Variants in CIBAR2 observed in about 807,000 individuals in gnomAD.
The protein encoded by CIBAR2 is CBY1-interacting BAR domain-containing protein 2.
A neutral mutation model predicts 36.2 loss-of-function variants in CIBAR2; 38 were observed. The ratio of observed to expected loss-of-function variants is 1.05; its 90% CI spans 0.81 to 1.38. CIBAR2 has a LOEUF of 1.38. Ranked by LOEUF, CIBAR2 falls within the 40% of genes most tolerant of loss-of-function variation. The pLI is 0.00. For missense variants in CIBAR2, 481 were observed against 383.4 expected, an observed-to-expected ratio of 1.25 and a Z score of -2.13; for synonymous variants, 182 against 149.5, an observed-to-expected ratio of 1.22 and a Z score of -1.58.
chr16:85,108,132 G>T (rs377231832), intron 2 of CIBAR2, 33 bp from the exon 3 acceptor site: 132 of 1,577,600 alleles, frequency 8.4e-5, no homozygotes, highest in Non-Finnish European at 1.1e-4. Flanking sequence ...GGATCTGAGC[G>T]CAGGGTGCTG....
At chr16:85,110,720 T>TC (rs1555528523) in intron 1 of CIBAR2, among the ~76,000 whole-genome samples, 6 of 135,466 alleles carry the variant, frequency 4.4e-5, no homozygotes, top group South Asian at 2.3e-4. Context: ...TTTTTTTTTT[T>TC]TGGAGACAGA....
At chr16:85,108,468 T>C (rs868580285) in intron 2 of CIBAR2, among the ~76,000 whole-genome samples, 1 of 152,144 alleles carries the variant, frequency 6.6e-6, no homozygotes, top group Non-Finnish European at 1.5e-5. Context: ...GCTCAGTCTC[T>C]CTACACGACA....
At chr16:85,105,243 T>G (rs1567559641) in intron 6 of CIBAR2, 84 bp downstream of exon 6, 1 of 808,286 alleles carries the variant, frequency 1.2e-6, no homozygotes, top group East Asian at 2.5e-5. Flanking sequence ...TGCTGAAGCA[T>G]GCACACAGAC....
intron 2 of CIBAR2, among the ~76,000 whole-genome samples, chr16:85,109,106 C>G (rs985016217): frequency 2.6e-5 from 4 of 151,580 alleles, no homozygotes; most frequent in African/African-American, 9.7e-5. Context: ...TTTATTTTTC[C>G]TTTGGTTAAA....
rs75296121 is a variant in CIBAR2, at chr16:85,098,758, G to C, written c.*427C>G. 648 of 489,368 alleles carry C rather than the reference G, an allele frequency of 1.3e-3. 4 individuals are homozygous for C. Among genetic ancestry groups the C allele is most frequent in the African/African-American group, 0.013 (615 of 47,558 alleles). 30.3% of individuals were successfully genotyped at this position (489,368 alleles called of 1,614,324 possible). ...GCAACAAGTCTCAAGTGTTTGTTGCGCAACAGGCCGGGTTTTCTGTGCTTC... is the reference window on the plus strand; with the variant it reads ...GCAACAAGTCTCAAGTGTTTGTTGCCCAACAGGCCGGGTTTTCTGTGCTTC... On this transcript the variant is annotated 3_prime_UTR_variant, in exon 9 of 9. Coordinates refer to ENST00000539556, the MANE Select transcript of CIBAR2 (RefSeq NM_198491.3).
In CIBAR2 at chr16:85,105,322, C is replaced by T; in HGVS notation, c.537+5G>A. ...GCGCCTCCCATCCCGGCCAACCACC[C>T]TCACCTGCAGGTCCTTGAGCTTCTG... On this transcript the variant is annotated splice_donor_5th_base_variant and intron_variant, in intron 6 of 8. Transcript: ENST00000539556. 6.2e-7 allele frequency: 1 copy of T among 1,604,342 alleles called. No homozygotes were observed. Among genetic ancestry groups the T allele is most frequent in the African/African-American group, 1.3e-5 (1 of 74,906 alleles).
At position 85,107,926 on chromosome 16, in the gene CIBAR2, G is replaced by A. The variant is rs1410743105; in HGVS notation, c.346C>T (p.His116Tyr). Residue 116 changes from histidine (H) to tyrosine (Y), a missense_variant, in exon 4 of 9, where the codon CAT (histidine) becomes TAT (tyrosine). By Grantham distance (83) the His-to-Tyr change is moderately conservative. Transcript: ENST00000539556. The part of the protein sequence containing the change: ...QTRAEIKKFK[H>Y]VQNHEIKQLE... ...TGTTTGATCTCATGATTTTGGACAT[G>A]TTTGAATTTCTTGATCTCAGCCTGC... 2 of 1,614,020 alleles carry A rather than the reference G, an allele frequency of 1.2e-6. No individual in the cohort carries two copies. Among genetic ancestry groups the A allele is most frequent in the Non-Finnish European group, 1.7e-6 (2 of 1,179,952 alleles).
intron 2 of CIBAR2, among the ~76,000 whole-genome samples, chr16:85,108,969 C>T (rs931838183): frequency 1.3e-5 from 2 of 152,128 alleles, no homozygotes; most frequent in Non-Finnish European, 2.9e-5. Context: ...TCTGTGAACG[C>T]GTAGACATCA....
At chr16:85,108,234 TC>T in intron 2 of CIBAR2, 135 bp from the exon 3 acceptor site, 1 of 767,370 alleles carries the variant, frequency 1.3e-6, no homozygotes. Flanking sequence ...CGAGGTGCCC[TC>T]CCTTTTCCCG....
At chr16:85,110,896 G>C (rs1465094395) in intron 1 of CIBAR2, among the ~76,000 whole-genome samples, 4 of 152,018 alleles carry the variant, frequency 2.6e-5, no homozygotes, top group Non-Finnish European at 5.9e-5. Flanking sequence ...GTAGAGACAG[G>C]GTTTCACCAT....
At chr16:85,105,306 A>G in intron 6 of CIBAR2, 21 bp downstream of exon 6, 1 of 1,552,986 alleles carries the variant, frequency 6.4e-7, no homozygotes, top group Non-Finnish European at 8.9e-7. Flanking sequence ...GGCGCCTCCC[A>G]TCCCGGCCAA....
chr16:85,098,876 G>T lies in CIBAR2; in HGVS notation c.*309C>A, dbSNP rs1023054421. On this transcript the variant is annotated 3_prime_UTR_variant, in exon 9 of 9. Coordinates refer to ENST00000539556, the MANE Select transcript of CIBAR2 (RefSeq NM_198491.3). ...AGGCGAGGACTCTAAGGCACAGAGAGGCTAGGAGACTTTCCCAAGGTCACA... is the reference window on the plus strand; with the variant it reads ...AGGCGAGGACTCTAAGGCACAGAGATGCTAGGAGACTTTCCCAAGGTCACA... The T allele has an allele frequency of 7.9e-6, 2 of 253,606 alleles. No homozygotes were observed. Among genetic ancestry groups the T allele is most frequent in the Non-Finnish European group, 7.1e-6 (1 of 140,122 alleles). 15.7% of individuals were successfully genotyped at this position (253,606 alleles called of 1,614,324 possible).
At chr16:85,107,124 G>A (rs535877883) in intron 5 of CIBAR2, among the ~76,000 whole-genome samples, 108 of 151,734 alleles carry the variant, frequency 7.1e-4, no homozygotes, top group Non-Finnish European at 1.4e-3. Context: ...TCCAGCCTAG[G>A]CAACAGAGCG....
In CIBAR2 at chr16:85,098,927, A is replaced by G; in HGVS notation, c.*258T>C. On this transcript the variant is annotated 3_prime_UTR_variant, in exon 9 of 9. Transcript: ENST00000539556. Reference sequence around the variant, plus strand: ...CCGCCGGGAGCAGTGGGCTCGGACCAAGAAATAGATAGCATAAAGAAAAAC... The same window carrying G: ...CCGCCGGGAGCAGTGGGCTCGGACCGAGAAATAGATAGCATAAAGAAAAAC... 2.8e-6 allele frequency: 1 copy of G among 358,386 alleles called. No individual in the cohort carries two copies. Among genetic ancestry groups the G allele is most frequent in the South Asian group, 4.6e-5 (1 of 21,816 alleles). 22.2% of individuals were successfully genotyped at this position (358,386 alleles called of 1,614,324 possible). A position where few individuals can be genotyped will look rare whatever the true frequency, so the allele number is the denominator to read the frequency against.
Position 85,108,006 on chromosome 16 carries a change from C to G in CIBAR2, c.324+25G>C, listed in dbSNP as rs774571586. ...CCCACAGGGCAAGACAGGGATGCCA[C>G]CCACACCGAGGTGCCCCGGCTCACC... is the stretch of plus-strand genomic sequence containing the variant. On this transcript the variant is annotated intron_variant, in intron 3 of 8. Coordinates refer to ENST00000539556, the MANE Select transcript of CIBAR2 (RefSeq NM_198491.3). 1.9e-6 allele frequency: 3 copies of G among 1,613,778 alleles called. No homozygotes were observed. In the South Asian group the frequency reaches 3.3e-5, roughly 18 times the overall value.
At position 85,110,068 on chromosome 16, in the gene CIBAR2, A is replaced by G. The variant is rs138294038; in HGVS notation, c.255+158T>C. Among the ~76,000 whole-genome samples the G allele has an allele frequency of 3.0e-3, 462 of 152,156 alleles. 3 individuals carry two copies. The highest frequency in any genetic ancestry group is 0.01 in the African/African-American group (434 of 41,530). ...TCTCAATCCTGCAGGTGGAGGTGTG[A>G]CCCTGGAAAGGGTGTAAATGTCCAT... On this transcript the variant is annotated intron_variant, in intron 2 of 8. Transcript: ENST00000539556.
At chr16:85,101,836 A>G (rs2073958039) in intron 7 of CIBAR2, among the ~76,000 whole-genome samples, 1 of 151,840 alleles carries the variant, frequency 6.6e-6, no homozygotes, top group South Asian at 2.1e-4. Flanking sequence ...CGCCTGGCTA[A>G]TTTTGTATTT....
Position 85,100,174 on chromosome 16 carries a change from G to A in CIBAR2, c.718C>T (p.Pro240Ser). 2 of 1,611,564 alleles carry A rather than the reference G, an allele frequency of 1.2e-6. No individual in the cohort carries two copies. Among genetic ancestry groups the A allele is most frequent in the Middle Eastern group, 1.7e-4 (1 of 6,054 alleles). The change falls in exon 8 of 9, where the codon CCC becomes TCC. Residue 240 changes from proline (P) to serine (S), a missense_variant. Transcript: ENST00000539556. ...AGAGACTGAAGAACAGATGGAGGGG[G>A]GCTGGTGTTGGCAAGCAGCCGAGTG... ...YDTRLLANTS[P>S]PPSVLQSLAS...
chr16:85,103,630 C>G (rs1597666445), intron 6 of CIBAR2, among the ~76,000 whole-genome samples: 1 of 152,232 alleles, frequency 6.6e-6, no homozygotes, highest in Non-Finnish European at 1.5e-5. Flanking sequence ...ATAACGTCTG[C>G]CGACTGTTTC....
Sources: gnomAD v4.1 joint callset for allele counts (sites outside exome capture counted in the v4.1 genomes callset) on GRCh38, gnomAD v4.1.1 for gene constraint, MANE v1.5 for transcripts, NCBI Gene and HGNC (gene_info 2026-07-23, HGNC 2026-07-21) for gene names.